TNPO1: variants seen among roughly 807,000 people sequenced by gnomAD.
TNPO1 encodes transportin 1, also known as transportin-1.
A neutral mutation model predicts 119.5 loss-of-function variants in TNPO1; 8 were observed. The observed-to-expected ratio is 0.07, with a 90% CI of 0.04 to 0.12. The LOEUF is 0.12. Among genes scored for constraint, TNPO1 ranks in the 10% least tolerant of loss-of-function variants. The pLI is 1.00. For missense variants in TNPO1, 576 were observed against 1,089.8 expected (o/e 0.53, Z 6.64); for synonymous variants, 362 against 363.0 (o/e 1.00, Z 0.03).
chr5:72,908,329 T>G (rs1451210768), intron 24 of TNPO1, among the ~76,000 whole-genome samples: 1 of 152,176 alleles, frequency 6.6e-6, no homozygotes, highest in Non-Finnish European at 1.5e-5. Flanking sequence ...TACTTTATTT[T>G]TAAGAAAGTA....
In TNPO1 at chr5:72,848,503, C is replaced by A. The variant is rs1215099720; in HGVS notation, c.129+5C>A. On this transcript the variant is annotated splice_donor_5th_base_variant and intron_variant, in intron 2 of 24. Transcript: ENST00000337273. The stretch of plus-strand genomic sequence containing the variant: ...ATCCAGAGAACCGTGCAACAAGTAT[C>A]CTTTCCGAGGCCTGGCCGCCACCCG... 6.5e-7 allele frequency: 1 copy of A among 1,549,116 alleles called. No homozygotes were observed. Among genetic ancestry groups the A allele is most frequent in the Non-Finnish European group, 8.7e-7 (1 of 1,145,448 alleles).
chr5:72,825,227 A>G (rs1561291118), intron 1 of TNPO1, among the ~76,000 whole-genome samples: 1 of 152,214 alleles, frequency 6.6e-6, no homozygotes, highest in African/African-American at 2.4e-5. Flanking sequence ...TTCTCAATAC[A>G]GTAGCCAGAA....
chr5:72,863,831 G>A (rs1746669533), intron 5 of TNPO1, among the ~76,000 whole-genome samples: 1 of 151,904 alleles, frequency 6.6e-6, no homozygotes, highest in African/African-American at 2.4e-5. Flanking sequence ...ACAGTTGATT[G>A]CATTTAAATA....
chr5:72,844,645 C>T (rs1745048495), intron 1 of TNPO1, among the ~76,000 whole-genome samples: 1 of 152,122 alleles, frequency 6.6e-6, no homozygotes, highest in African/African-American at 2.4e-5. Context: ...GTGCCAGGGA[C>T]CTATGATCTG....
intron 4 of TNPO1, among the ~76,000 whole-genome samples, chr5:72,857,551 T>G (rs1039468996): frequency 6.6e-6 from 1 of 152,190 alleles, no homozygotes; most frequent in Non-Finnish European, 1.5e-5. Flanking sequence ...CTCTTGACAC[T>G]GTTAAAAAGA....
intron 9 of TNPO1, among the ~76,000 whole-genome samples, chr5:72,879,591 C>G (rs1261017327): frequency 6.6e-6 from 1 of 152,166 alleles, no homozygotes; most frequent in African/African-American, 2.4e-5. Flanking sequence ...ATCCTCTTGC[C>G]TCAAGCAATT....
At chr5:72,876,107 C>T (rs1353131017) in intron 8 of TNPO1, among the ~76,000 whole-genome samples, 2 of 152,144 alleles carry the variant, frequency 1.3e-5, no homozygotes, top group African/African-American at 4.8e-5. Flanking sequence ...CCTGTTTTTT[C>T]TTTGAAAAGT....
intron 2 of TNPO1, among the ~76,000 whole-genome samples, chr5:72,850,458 G>A (rs1745456493): frequency 1.3e-5 from 2 of 152,192 alleles, no homozygotes; most frequent in South Asian, 2.1e-4. Flanking sequence ...TGTTACTGGA[G>A]TTTGATTCAT....
At chr5:72,823,216 T>TA (rs1332119342) in intron 1 of TNPO1, among the ~76,000 whole-genome samples, 1 of 152,102 alleles carries the variant, frequency 6.6e-6, no homozygotes. Context: ...TGAGTCTTCT[T>TA]ACTTCTTTCA....
At chr5:72,846,499 C>T (rs185284799) in intron 1 of TNPO1, among the ~76,000 whole-genome samples, 23 of 152,160 alleles carry the variant, frequency 1.5e-4, no homozygotes, top group African/African-American at 5.3e-4. Flanking sequence ...ACTGTTAAAA[C>T]GGGTTCTCTA....
intron 6 of TNPO1, among the ~76,000 whole-genome samples, chr5:72,871,552 C>A (rs1747404510): frequency 6.6e-6 from 1 of 151,912 alleles, no homozygotes; most frequent in Non-Finnish European, 1.5e-5. Context: ...GTCATGAGTA[C>A]AATGGAAAAA....
Position 72,875,737 on chromosome 5 carries a change from G to T in TNPO1, c.801G>T (p.Glu267Asp). The T allele has an allele frequency of 6.3e-7, 1 of 1,593,446 alleles. No individual in the cohort carries two copies. The highest frequency in any genetic ancestry group is 1.1e-5 in the South Asian group (1 of 89,222). ...TTCCTCACATGCATAATATAGTTGAGGTAACACTGGCAATTTAAAGGCTCT... is the reference window on the plus strand; with the variant it reads ...TTCCTCACATGCATAATATAGTTGATGTAACACTGGCAATTTAAAGGCTCT... ...RLLPHMHNIV[E>D]YMLQRTQDQD... Residue 267 changes from glutamate to aspartate, a missense_variant and splice_region_variant, in exon 8 of 25, where the codon GAG (glutamate) becomes GAT (aspartate). Around this residue, in one of 6 missense-constraint regions of TNPO1, gnomAD observed 310 missense variants for 583.0 expected, o/e 0.53. Coordinates refer to ENST00000337273, the MANE Select transcript of TNPO1 (RefSeq NM_002270.4).
At position 72,913,817 on chromosome 5, in the gene TNPO1, T is replaced by G. The variant is rs1373553509; in HGVS notation, c.*5144T>G. ...TTCCTTTGTGGATATATAAGCAAAT[T>G]GAGCTTGGGTGATTTTTATGGAGAC... On this transcript the variant is annotated 3_prime_UTR_variant, in exon 25 of 25. Coordinates refer to ENST00000337273, the MANE Select transcript of TNPO1 (RefSeq NM_002270.4). The G allele has an allele frequency of 6.6e-6, 1 of 152,564 alleles. No homozygotes were observed. The highest frequency in any genetic ancestry group is 2.4e-5 in the African/African-American group (1 of 41,456). The allele number at this position is 152,564 out of a possible 1,614,324, so 9.5% of individuals were successfully genotyped here. A position where few individuals can be genotyped will look rare whatever the true frequency, so the allele number is the denominator to read the frequency against.
At chr5:72,907,657 A>G (rs1387017897) in intron 24 of TNPO1, among the ~76,000 whole-genome samples, 3 of 152,216 alleles carry the variant, frequency 2.0e-5, no homozygotes, top group Non-Finnish European at 4.4e-5. Flanking sequence ...TAGCATAGAA[A>G]AAAGTTCCTA....
At chr5:72,817,146 T>A (rs1743730191) in intron 1 of TNPO1, among the ~76,000 whole-genome samples, 1 of 152,326 alleles carries the variant, frequency 6.6e-6, no homozygotes, top group East Asian at 1.9e-4. Flanking sequence ...TTTCACTGGT[T>A]CTGGGCGCTG....
Position 72,911,708 on chromosome 5 carries a change from G to A in TNPO1, c.*3035G>A, listed in dbSNP as rs1050603392. The A allele has an allele frequency of 6.6e-6, 1 of 152,504 alleles. No individual in the cohort carries two copies. The highest frequency in any genetic ancestry group is 2.4e-5 in the African/African-American group (1 of 41,428). The allele number at this position is 152,504 out of a possible 1,614,324, so 9.4% of individuals were successfully genotyped here. A position where few individuals can be genotyped will look rare whatever the true frequency, so the allele number is the denominator to read the frequency against. The stretch of plus-strand genomic sequence containing the variant: ...GCTTAAAGCACGGCTTACTTCATCT[G>A]CTCCTTACACACTAAAATGCTGTTA... On this transcript the variant is annotated 3_prime_UTR_variant, in exon 25 of 25. Coordinates refer to ENST00000337273, the MANE Select transcript of TNPO1 (RefSeq NM_002270.4).
At chr5:72,894,885 T>C (rs1749310196) in intron 18 of TNPO1, among the ~76,000 whole-genome samples, 1 of 152,184 alleles carries the variant, frequency 6.6e-6, no homozygotes, top group Admixed American at 6.5e-5. Flanking sequence ...CCACCTAATT[T>C]AGTTTTTTAG....
chr5:72,822,323 CTTTTT>C (rs11458903), intron 1 of TNPO1, among the ~76,000 whole-genome samples: 3 of 147,748 alleles, frequency 2.0e-5, no homozygotes, highest in African/African-American at 7.5e-5. Flanking sequence ...AAAGCAGTGA[CTTTTT>C]TTTTTTTCTC....
At chr5:72,886,820 C>T (rs2112436588) in intron 11 of TNPO1, among the ~76,000 whole-genome samples, 1 of 136,856 alleles carries the variant, frequency 7.3e-6, no homozygotes, top group East Asian at 2.3e-4. Context: ...ACCTGGGAGG[C>T]AGAGGTTGCA....
Sources: gnomAD v4.1 joint callset for allele counts (sites outside exome capture counted in the v4.1 genomes callset) on GRCh38, gnomAD v4.1.1 for gene constraint, gnomAD v4.1.1 regional missense constraint, MANE v1.5 for transcripts, NCBI Gene and HGNC (gene_info 2026-07-23, HGNC 2026-07-21) for gene names.